Variants in TRIO observed in about 807,000 individuals in gnomAD.
TRIO encodes triple functional domain protein.
In TRIO, 58 loss-of-function variants were observed where a neutral mutation model predicts 351.9. That is an observed-to-expected ratio of 0.16 (90% confidence interval 0.13 to 0.21). The LOEUF is 0.21. Ranked by LOEUF, TRIO falls within the 10% of genes least tolerant of loss-of-function variation. The pLI is 1.00. For synonymous variants in TRIO, 1,758 were observed against 1,595.7 expected, an observed-to-expected ratio of 1.10 and a Z score of -2.42; for missense variants, 3,201 against 4,027.8, an observed-to-expected ratio of 0.79 and a Z score of 5.56.
intron 34 of TRIO, among the ~76,000 whole-genome samples, chr5:14,452,697 A>C (rs1215117506): frequency 6.6e-6 from 1 of 152,234 alleles, no homozygotes; most frequent in African/African-American, 2.4e-5. Flanking sequence ...ATTTGGGTGA[A>C]ACCTTTTCAA....
intron 18 of TRIO, among the ~76,000 whole-genome samples, chr5:14,373,327 G>T (rs915210804): frequency 6.6e-6 from 1 of 152,084 alleles, no homozygotes; most frequent in Non-Finnish European, 1.5e-5. Flanking sequence ...AGGTAGCCTC[G>T]CTCCATCTAC....
intron 41 of TRIO, among the ~76,000 whole-genome samples, chr5:14,478,292 TTTTG>T (rs1366400220): frequency 1.3e-5 from 2 of 152,242 alleles, no homozygotes; most frequent in Non-Finnish European, 1.5e-5. Context: ...ACCAGTTTTG[TTTTG>T]TTTTTTACTA....
At chr5:14,388,784 T>C in intron 24 of TRIO, 105 bp downstream of exon 24, 1 of 1,309,912 alleles carries the variant, frequency 7.6e-7, no homozygotes, top group East Asian at 2.3e-5. Context: ...TCACAATTTT[T>C]TTCTGTCATT....
At chr5:14,321,286 A>G (rs934715582) in intron 9 of TRIO, among the ~76,000 whole-genome samples, 2 of 152,226 alleles carry the variant, frequency 1.3e-5, no homozygotes, top group Non-Finnish European at 2.9e-5. Context: ...GCAAGTGCCT[A>G]GTGTGGATGG....
intron 20 of TRIO, 133 bp from the exon 21 acceptor site, chr5:14,380,995 CCT>C (rs1432270520): frequency 9.2e-6 from 11 of 1,201,396 alleles, no homozygotes; most frequent in Middle Eastern, 2.5e-4. Context: ...AAGAAACTTG[CCT>C]CTCTGGGAGG....
chr5:14,195,301 G>A (rs148975390), intron 1 of TRIO, among the ~76,000 whole-genome samples: 4 of 152,228 alleles, frequency 2.6e-5, no homozygotes, highest in African/African-American at 7.2e-5. Context: ...TTTGCTGAAC[G>A]ACCCTTGATT....
chr5:14,507,334 C>A, intron 56 of TRIO, 74 bp downstream of exon 56: 2 of 1,579,584 alleles, frequency 1.3e-6, no homozygotes, highest in Non-Finnish European at 1.7e-6. Flanking sequence ...AGAGCCCCCT[C>A]TGAAGCCAGG....
intron 1 of TRIO, among the ~76,000 whole-genome samples, chr5:14,185,271 A>G (rs1275745282): frequency 3.9e-5 from 6 of 151,928 alleles, no homozygotes; most frequent in Admixed American, 3.9e-4. Context: ...TTACAGAAGC[A>G]CTTGGTCCTA....
At chr5:14,165,905 G>C (rs1341060867) in intron 1 of TRIO, among the ~76,000 whole-genome samples, 1 of 152,238 alleles carries the variant, frequency 6.6e-6, no homozygotes, top group Non-Finnish European at 1.5e-5. Flanking sequence ...CAGATGGACT[G>C]CATCCAGACC....
rs1229225071 is a variant in TRIO at position 14,419,905 on chromosome 5, G to A, written c.5087G>A (p.Cys1696Tyr). ...LERPHDKPDW[C>Y]LVRTTDRSPA... ...CGGCCGCATGACAAGCCTGACTGGT[G>A]TCTGGTGCGGACAACTGACCGCTCC... Residue 1696 changes from cysteine (C) to tyrosine (Y), a missense_variant, in exon 34 of 57, where the codon TGT becomes TAT. By Grantham distance (194) the Cys-to-Tyr change is radical. Transcript: ENST00000344204. 3 of 1,614,100 alleles carry A rather than the reference G, an allele frequency of 1.9e-6. No individual in the cohort carries two copies. Among genetic ancestry groups the A allele is most frequent in the Non-Finnish European group, 2.5e-6 (3 of 1,180,030 alleles).
chr5:14,166,781 C>G lies in TRIO; in HGVS notation c.157+22899C>G, dbSNP rs141763738. On this transcript the variant is annotated intron_variant, in intron 1 of 56. Transcript: ENST00000344204. ...GCCATTTTATGGTGTAATGTCCTCT[C>G]CAGTAGAAATTCATGAGAGGGGAAA... is the stretch of plus-strand genomic sequence containing the variant. 9.9e-5 allele frequency among the ~76,000 whole-genome samples: 15 copies of G among 152,138 alleles called. No individual in the cohort carries two copies. In the East Asian group the frequency reaches 2.9e-3, roughly 29 times the overall value.
At chr5:14,277,270 G>C (rs1735613660) in intron 2 of TRIO, among the ~76,000 whole-genome samples, 1 of 152,160 alleles carries the variant, frequency 6.6e-6, no homozygotes, top group Non-Finnish European at 1.5e-5. Context: ...ATTGGTTATA[G>C]GAGAGGATGC....
intron 34 of TRIO, among the ~76,000 whole-genome samples, chr5:14,446,618 G>A (rs1752462330): frequency 6.6e-6 from 1 of 152,102 alleles, no homozygotes; most frequent in Non-Finnish European, 1.5e-5. Flanking sequence ...GCACCTGGGG[G>A]CGCTTTACCT....
intron 1 of TRIO, among the ~76,000 whole-genome samples, chr5:14,209,799 AGGCAG>A (rs1449379966): frequency 1.3e-5 from 2 of 152,272 alleles, no homozygotes; most frequent in Non-Finnish European, 2.9e-5. Flanking sequence ...TTGGCCCTCA[AGGCAG>A]TATTTTTAAA....
intron 1 of TRIO, among the ~76,000 whole-genome samples, chr5:14,221,927 G>A (rs1792655911): frequency 1.3e-5 from 2 of 152,184 alleles, no homozygotes; most frequent in South Asian, 4.1e-4. Flanking sequence ...CTGTCAAACA[G>A]CATCACATGC....
At chr5:14,472,463 C>A in intron 38 of TRIO, 129 bp from the exon 39 acceptor site, 1 of 974,056 alleles carries the variant, frequency 1.0e-6, no homozygotes, top group South Asian at 1.7e-5. Flanking sequence ...CAGAATTTAA[C>A]ACCTAAATGT....
At chr5:14,370,125 T>TTC (rs2152344931) in intron 18 of TRIO, among the ~76,000 whole-genome samples, 1 of 146,226 alleles carries the variant, frequency 6.8e-6, no homozygotes, top group African/African-American at 2.5e-5. Flanking sequence ...CTTTCTTTCT[T>TTC]TTTTTTTTTT....
intron 3 of TRIO, among the ~76,000 whole-genome samples, chr5:14,282,565 TAA>T (rs895977524): frequency 6.8e-6 from 1 of 146,296 alleles, no homozygotes; most frequent in Non-Finnish European, 1.5e-5. Flanking sequence ...TGACCCACTT[TAA>T]AAAAAAAACC....
chr5:14,323,479 C>T (rs1740076491), intron 9 of TRIO, among the ~76,000 whole-genome samples: 1 of 151,862 alleles, frequency 6.6e-6, no homozygotes, highest in South Asian at 2.1e-4. Flanking sequence ...CTAGAAGCTG[C>T]AATTGCCCGT....
Sources: gnomAD v4.1 joint callset for allele counts (sites outside exome capture counted in the v4.1 genomes callset) on GRCh38, gnomAD v4.1.1 for gene constraint, MANE v1.5 for transcripts, NCBI Gene and HGNC (gene_info 2026-07-23, HGNC 2026-07-21) for gene names.